Variants in STMN2 observed in about 807,000 individuals in gnomAD.
STMN2 encodes the protein stathmin-2.
STMN2 carries 2 observed loss-of-function variants against 24.1 expected under a neutral mutation model. The ratio of observed to expected loss-of-function variants is 0.08; its 90% confidence interval spans 0.03 to 0.26. The LOEUF is 0.26. Ranked by LOEUF, STMN2 falls within the 10% of genes least tolerant of loss-of-function variation. The pLI is 1.00. For synonymous variants in STMN2, 83 were observed against 77.5 expected (o/e 1.07, Z -0.37); for missense variants, 114 against 213.6 (o/e 0.53, Z 2.91).
At chr8:79,646,905 A>G (rs900831782) in intron 3 of STMN2, among the ~76,000 whole-genome samples, 5 of 152,264 alleles carry the variant, frequency 3.3e-5, no homozygotes, top group African/African-American at 1.2e-4. Flanking sequence ...GAATGCAGAA[A>G]GTGTAGGTTT....
At chr8:79,644,247 C>A (rs1810171747) in intron 3 of STMN2, among the ~76,000 whole-genome samples, 1 of 152,206 alleles carries the variant, frequency 6.6e-6, no homozygotes, top group Admixed American at 6.5e-5. Context: ...GCTACAGCAT[C>A]AGGAACAGCT....
intron 2 of STMN2, among the ~76,000 whole-genome samples, chr8:79,640,072 C>A (rs561043546): frequency 6.6e-6 from 1 of 152,112 alleles, no homozygotes; most frequent in East Asian, 1.9e-4. Flanking sequence ...TGGTGGTAAG[C>A]GCCTGTAGTC....
intron 1 of STMN2, among the ~76,000 whole-genome samples, chr8:79,624,648 C>T (rs530869495): frequency 6.6e-6 from 1 of 152,236 alleles, no homozygotes; most frequent in South Asian, 2.1e-4. Flanking sequence ...GAAAAGTATA[C>T]ATTTCATCCC....
At chr8:79,624,241 T>G in intron 1 of STMN2, among the ~76,000 whole-genome samples, 1 of 151,562 alleles carries the variant, frequency 6.6e-6, no homozygotes, top group Non-Finnish European at 1.5e-5. Flanking sequence ...GATCACGAGG[T>G]CAGGAGATCG....
rs1806572090 is a variant in STMN2 at position 79,664,970 on chromosome 8, G to T, written c.*96G>T. On this transcript the variant is annotated 3_prime_UTR_variant, in exon 5 of 5. Coordinates refer to ENST00000220876, the MANE Select transcript of STMN2 (RefSeq NM_007029.4). ...ATCAGGATGGGGAATGTATGACATG[G>T]TTTAAAAAGAACTCATTATAAAAAA... The T allele has an allele frequency of 1.0e-4, 88 of 862,356 alleles. No individual in the cohort carries two copies. Among genetic ancestry groups the T allele is most frequent in the Non-Finnish European group, 1.2e-4 (76 of 629,276 alleles). The allele number at this position is 862,356 out of a possible 1,614,324, so 53.4% of individuals were successfully genotyped here. A position where few individuals can be genotyped will look rare whatever the true frequency, so the allele number is the denominator to read the frequency against.
At chr8:79,658,877 G>A (rs1478616777) in intron 4 of STMN2, among the ~76,000 whole-genome samples, 1 of 152,188 alleles carries the variant, frequency 6.6e-6, no homozygotes, top group East Asian at 1.9e-4. Flanking sequence ...AGCCCTGGCT[G>A]CACTTCGGAA....
intron 1 of STMN2, 26 bp from the exon 2 acceptor site, chr8:79,636,776 T>C (rs1159017400): frequency 3.1e-6 from 5 of 1,598,848 alleles, no homozygotes; most frequent in Non-Finnish European, 4.3e-6. Flanking sequence ...AAATGAAATA[T>C]ACTAATCTTC....
In STMN2 at chr8:79,665,367, T is replaced by C. The variant is rs979811801; in HGVS notation, c.*493T>C. 1 of 154,500 alleles carries C rather than the reference T, an allele frequency of 6.5e-6. No individual in the cohort carries two copies. The highest frequency in any genetic ancestry group is 6.5e-5 in the Admixed American group (1 of 15,296). The allele number at this position is 154,500 out of a possible 1,614,324, so 9.6% of individuals were successfully genotyped here. On this transcript the variant is annotated 3_prime_UTR_variant, in exon 5 of 5. Transcript: ENST00000220876. ...ACTAAGACCATACCTAGATCACAGG[T>C]ATTATGACTCCACATGAACCTTCAC...
chr8:79,657,355 A>T (rs557838903), intron 4 of STMN2, among the ~76,000 whole-genome samples: 4 of 152,186 alleles, frequency 2.6e-5, no homozygotes, highest in African/African-American at 7.2e-5. Context: ...AACCAAATTT[A>T]GTGCCCTCCC....
chr8:79,611,351 G>A (rs1326348121), intron 1 of STMN2, 137 bp downstream of exon 1: 2 of 1,171,728 alleles, frequency 1.7e-6, no homozygotes, highest in Non-Finnish European at 2.4e-6. Flanking sequence ...GGAAGGACAG[G>A]GCAGTTCTGG....
chr8:79,654,803 T>A lies in STMN2; in HGVS notation c.289-68T>A, dbSNP rs991154805. On this transcript the variant is annotated intron_variant, in intron 3 of 4. Transcript: ENST00000220876. ...ATCTGAAAAGAATGCTCCCTCCAAT[T>A]GGTGGGCCGTTATTCTGCTAGGTTT... 1.1e-5 allele frequency: 17 copies of A among 1,524,446 alleles called. No individual in the cohort carries two copies. The African/African-American group carries it at 2.1e-4, about 19-fold the overall frequency. The allele number at this position is 1,524,446 out of a possible 1,614,324, so 94.4% of individuals were successfully genotyped here.
intron 3 of STMN2, among the ~76,000 whole-genome samples, chr8:79,653,143 C>T (rs183100453): frequency 2.2e-4 from 33 of 152,056 alleles, no homozygotes; most frequent in Non-Finnish European, 4.6e-4. Context: ...TTTGGGAGGC[C>T]GAGGCGGGTG....
rs183758629 is a variant in STMN2 at position 79,631,333 on chromosome 8, T to G, written c.20-5469T>G. 1.9e-3 allele frequency: 1,126 copies of G among 606,032 alleles called. 2 individuals are homozygous for G. Among genetic ancestry groups the G allele is most frequent in the Non-Finnish European group, 2.2e-3 (1,044 of 483,884 alleles). The allele number at this position is 606,032 out of a possible 1,614,324, so 37.5% of individuals were successfully genotyped here. A position where few individuals can be genotyped will look rare whatever the true frequency, so the allele number is the denominator to read the frequency against. On this transcript the variant is annotated intron_variant, in intron 1 of 4. Transcript: ENST00000220876. ...TTCTTAAATGTCCCTTTATTTCATT[T>G]GATATCCATTCCCATAGAAAAACTA...
At chr8:79,622,507 CAGCCAATAT>C (rs1809540693) in intron 1 of STMN2, among the ~76,000 whole-genome samples, 1 of 152,114 alleles carries the variant, frequency 6.6e-6, no homozygotes, top group South Asian at 2.1e-4. Context: ...TATGAGACAG[CAGCCAATAT>C]AGTATATCTC....
intron 2 of STMN2, 111 bp downstream of exon 2, chr8:79,637,008 C>A: frequency 1.0e-6 from 1 of 991,858 alleles, no homozygotes; most frequent in East Asian, 2.6e-5. Flanking sequence ...TTGTAGCTCT[C>A]ACTATTGACT....
intron 3 of STMN2, among the ~76,000 whole-genome samples, chr8:79,649,241 A>T (rs1344928700): frequency 6.6e-6 from 1 of 151,920 alleles, no homozygotes; most frequent in East Asian, 1.9e-4. Context: ...TTCAGGAAAC[A>T]TTCTGCTCCT....
At chr8:79,663,661 T>C (rs1806544680) in intron 4 of STMN2, 2 of 1,523,026 alleles carry the variant, frequency 1.3e-6, no homozygotes, top group Non-Finnish European at 1.8e-6. Context: ...AGAGAAGCAA[T>C]GTAAGCAACA....
At chr8:79,660,880 A>G (rs1346870000) in intron 4 of STMN2, among the ~76,000 whole-genome samples, 1 of 151,980 alleles carries the variant, frequency 6.6e-6, no homozygotes, top group Non-Finnish European at 1.5e-5. Context: ...CTTAGCTCCC[A>G]CTTATGAGAA....
chr8:79,662,308 C>A (rs181344059), intron 4 of STMN2, among the ~76,000 whole-genome samples: 2 of 152,118 alleles, frequency 1.3e-5, no homozygotes, highest in African/African-American at 4.8e-5. Context: ...CTGACAGTGC[C>A]TAGCAAATAT....
Sources: gnomAD v4.1 joint callset for allele counts (sites outside exome capture counted in the v4.1 genomes callset) on GRCh38, gnomAD v4.1.1 for gene constraint, MANE v1.5 for transcripts, NCBI Gene and HGNC (gene_info 2026-07-23, HGNC 2026-07-21) for gene names.